Variants in NLGN1 observed in about 807,000 individuals in gnomAD.
NLGN1 encodes neuroligin-1.
A neutral mutation model predicts 65.5 loss-of-function variants in NLGN1; 12 were observed. The ratio of observed to expected loss-of-function variants is 0.18; its 90% CI spans 0.12 to 0.30. The LOEUF (loss-of-function observed/expected upper bound fraction) is 0.30, where lower values mean the gene tolerates loss of function less well. NLGN1 is among the 10% of genes least tolerant of loss of function. NLGN1 has a pLI of 1.00. For missense variants in NLGN1, 750 were observed against 1,007.1 expected (o/e 0.74, Z 3.46); for synonymous variants, 350 against 359.5 (o/e 0.97, Z 0.30).
chr3:173,831,791 A>G (rs1270025721), intron 4 of NLGN1, among the ~76,000 whole-genome samples: 1 of 152,190 alleles, frequency 6.6e-6, no homozygotes, highest in Non-Finnish European at 1.5e-5. Context: ...TGGATGTTAC[A>G]GTCATATACC....
intron 2 of NLGN1, among the ~76,000 whole-genome samples, chr3:173,486,273 G>C (rs1576921948): frequency 6.6e-6 from 1 of 152,108 alleles, no homozygotes; most frequent in Middle Eastern, 3.4e-3. Context: ...TGTTGGCTAG[G>C]CTGGTCTCGA....
chr3:174,164,753 G>T (rs948131020), intron 4 of NLGN1, among the ~76,000 whole-genome samples: 25 of 152,004 alleles, frequency 1.6e-4, no homozygotes, highest in Admixed American at 4.6e-4. Flanking sequence ...TGCTGTTTTG[G>T]TTACTGTAGG....
intron 2 of NLGN1, among the ~76,000 whole-genome samples, chr3:173,586,398 A>G (rs144184957): frequency 6.6e-6 from 1 of 152,290 alleles, no homozygotes; most frequent in East Asian, 1.9e-4. Flanking sequence ...ATTCTCTAGT[A>G]CTTTTTTTCA....
chr3:174,278,855 C>T lies in NLGN1; in HGVS notation c.860-6C>T. 1.4e-6 allele frequency: 2 copies of T among 1,470,714 alleles called. No individual in the cohort carries two copies. Among genetic ancestry groups the T allele is most frequent in the South Asian group, 1.6e-5 (1 of 63,630 alleles). 91.1% of individuals were successfully genotyped at this position (1,470,714 alleles called of 1,614,324 possible). ...CATCTAAAATTCTTTGTTGATTTTCCCATAGGACTTTTTCAACGAGCAATA... is the reference window on the plus strand; with the variant it reads ...CATCTAAAATTCTTTGTTGATTTTCTCATAGGACTTTTTCAACGAGCAATA... On this transcript the variant is annotated splice_region_variant and splice_polypyrimidine_tract_variant and intron_variant, in intron 5 of 6. Coordinates refer to ENST00000457714, the Ensembl canonical transcript of NLGN1.
intron 4 of NLGN1, among the ~76,000 whole-genome samples, chr3:173,918,617 T>G: frequency 8.3e-6 from 1 of 120,342 alleles, no homozygotes; most frequent in African/African-American, 3.3e-5. Flanking sequence ...TGGGTGACAG[T>G]GAGACTCCAT....
intron 2 of NLGN1, among the ~76,000 whole-genome samples, chr3:173,535,767 G>A (rs1314209598): frequency 6.6e-6 from 1 of 152,116 alleles, no homozygotes; most frequent in Non-Finnish European, 1.5e-5. Flanking sequence ...CAAGCCTTTG[G>A]TTTTCTGTTG....
intron 3 of NLGN1, among the ~76,000 whole-genome samples, chr3:173,613,723 A>T (rs1011365531): frequency 5.3e-5 from 8 of 152,090 alleles, no homozygotes; most frequent in Non-Finnish European, 1.0e-4. Flanking sequence ...GTTTACTATA[A>T]TCCTATTCAT....
At chr3:173,741,276 T>A (rs1453161194) in intron 3 of NLGN1, among the ~76,000 whole-genome samples, 2 of 152,016 alleles carry the variant, frequency 1.3e-5, no homozygotes, top group African/African-American at 4.8e-5. Flanking sequence ...CAAGAGCCAT[T>A]TCTTGAGTTA....
chr3:173,512,393 G>GT (rs1733122785), intron 2 of NLGN1, among the ~76,000 whole-genome samples: 1 of 152,122 alleles, frequency 6.6e-6, no homozygotes. Context: ...GCTGGAAAGG[G>GT]GACAGGAAGG....
rs111463399 is a variant in NLGN1, at chr3:173,811,480, T to A, written c.646+3648T>A. Among the ~76,000 whole-genome samples the A allele has an allele frequency of 2.9e-3, 436 of 148,750 alleles. 1 individual carries two copies. The highest frequency in any genetic ancestry group is 7.4e-3 in the Middle Eastern group (2 of 272). On this transcript the variant is annotated intron_variant, in intron 4 of 6. Coordinates refer to ENST00000457714, the Ensembl canonical transcript of NLGN1. ...TCGGGAGCCTGAGGCAGGAGAAGCA[T>A]CACTTGAACCTGGGAGGCAGAGGTT...
intron 4 of NLGN1, among the ~76,000 whole-genome samples, chr3:174,085,872 C>T (rs1471181861): frequency 6.6e-6 from 1 of 151,870 alleles, no homozygotes; most frequent in Non-Finnish European, 1.5e-5. Context: ...AACATAATCG[C>T]GGTTTTTGCC....
intron 2 of NLGN1, among the ~76,000 whole-genome samples, chr3:173,506,244 G>T (rs142971326): frequency 2.0e-5 from 3 of 151,886 alleles, no homozygotes; most frequent in Non-Finnish European, 4.4e-5. Flanking sequence ...CTAAAGGTGA[G>T]GGTTGCCATT....
chr3:174,276,112 C>G (rs1029534999), intron 5 of NLGN1, among the ~76,000 whole-genome samples: 4 of 151,824 alleles, frequency 2.6e-5, no homozygotes, highest in Non-Finnish European at 5.9e-5. Context: ...ACATTTGATT[C>G]AGTGTTTTTT....
At chr3:174,185,812 AAAAAC>A (rs1432899316) in intron 4 of NLGN1, among the ~76,000 whole-genome samples, 5 of 151,704 alleles carry the variant, frequency 3.3e-5, no homozygotes, top group Admixed American at 2.6e-4. Context: ...TTAACCAAAA[AAAAAC>A]AAAAACAAAA....
intron 4 of NLGN1, among the ~76,000 whole-genome samples, chr3:174,136,860 A>T (rs542531771): frequency 2.0e-5 from 3 of 152,256 alleles, no homozygotes; most frequent in South Asian, 4.1e-4. Flanking sequence ...CATAAATGTT[A>T]CAGATGCTCC....
intron 1 of NLGN1, among the ~76,000 whole-genome samples, chr3:173,426,297 C>T (rs1251682968): frequency 2.0e-5 from 3 of 152,024 alleles, no homozygotes; most frequent in Non-Finnish European, 4.4e-5. Context: ...TTGACTTCTT[C>T]CTTTTTCATT....
intron 4 of NLGN1, among the ~76,000 whole-genome samples, chr3:174,005,004 C>T (rs1218553829): frequency 6.6e-6 from 1 of 152,054 alleles, no homozygotes; most frequent in Non-Finnish European, 1.5e-5. Context: ...GATAACAAGT[C>T]CGTCTGGGTC....
intron 2 of NLGN1, among the ~76,000 whole-genome samples, chr3:173,445,375 C>G (rs1008509868): frequency 4.6e-5 from 7 of 151,560 alleles, no homozygotes; most frequent in African/African-American, 1.7e-4. Context: ...GTAAAATGAC[C>G]TGTTCCTTAG....
chr3:173,476,555 G>A lies in NLGN1; in HGVS notation c.-321+41477G>A, dbSNP rs529082384. ...CTGGAGTCATAGAAGAATATAGAGC[G>A]TTTGGGGAACTGTGTAATGAGTAGA... is the stretch of plus-strand genomic sequence containing the variant. On this transcript the variant is annotated intron_variant, in intron 2 of 6. Transcript: ENST00000457714. Among the ~76,000 whole-genome samples the A allele has an allele frequency of 5.3e-5, 8 of 152,270 alleles. No homozygotes were observed. In the South Asian group the frequency reaches 8.3e-4, roughly 16 times the overall value.
Sources: gnomAD v4.1 joint callset for allele counts (sites outside exome capture counted in the v4.1 genomes callset) on GRCh38, gnomAD v4.1.1 for gene constraint, MANE v1.5 for transcripts, NCBI Gene and HGNC (gene_info 2026-07-23, HGNC 2026-07-21) for gene names.